Variants in NME8 observed in about 807,000 individuals in gnomAD.
NME8 encodes the protein protein NME8.
A neutral mutation model predicts 82.3 loss-of-function variants in NME8; 72 were observed. The ratio of observed to expected loss-of-function variants is 0.87; its 90% CI spans 0.72 to 1.06. The LOEUF (loss-of-function observed/expected upper bound fraction) is 1.06. Among genes scored for constraint, NME8 ranks in the 50% least tolerant of loss-of-function variants. NME8 has a pLI of 0.00. For missense variants in NME8, 712 were observed against 685.4 expected (o/e 1.04, Z -0.43); for synonymous variants, 267 against 228.5 (o/e 1.17, Z -1.52).
intron 15 of NME8, 74 bp downstream of exon 15, chr7:37,888,502 A>G: frequency 1.4e-6 from 2 of 1,432,066 alleles, no homozygotes; most frequent in Non-Finnish European, 1.9e-6. Context: ...ATTTACAATC[A>G]GAAAAGCAAA....
chr7:37,862,590 T>TA (rs1784613254), intron 7 of NME8, among the ~76,000 whole-genome samples: 2 of 152,066 alleles, frequency 1.3e-5, no homozygotes, highest in South Asian at 4.1e-4. Flanking sequence ...TTGGATGAAT[T>TA]AAAAAATCTG....
intron 10 of NME8, among the ~76,000 whole-genome samples, chr7:37,866,376 C>G (rs1025264385): frequency 3.3e-5 from 5 of 152,158 alleles, no homozygotes; most frequent in African/African-American, 1.2e-4. Flanking sequence ...GACTGCACCA[C>G]TCATGCCATC....
At chr7:37,891,718 C>T (rs1465453803) in intron 15 of NME8, among the ~76,000 whole-genome samples, 1 of 151,884 alleles carries the variant, frequency 6.6e-6, no homozygotes, top group African/African-American at 2.4e-5. Context: ...TCCTTCTTTT[C>T]TGCTTATCAC....
At chr7:37,894,821 T>G (rs2131975663) in intron 16 of NME8, among the ~76,000 whole-genome samples, 1 of 152,166 alleles carries the variant, frequency 6.6e-6, no homozygotes, top group Middle Eastern at 3.4e-3. Flanking sequence ...CCTCGCTCCC[T>G]TTCTTTCATT....
In NME8 at chr7:37,888,311, G is replaced by C. The variant is rs1562840973; in HGVS notation, c.1282G>C (p.Val428Leu). 4 of 1,613,554 alleles carry C rather than the reference G, an allele frequency of 2.5e-6. No individual in the cohort carries two copies. The highest frequency in any genetic ancestry group is 3.4e-6 in the Non-Finnish European group (4 of 1,179,672). Residue 428 changes from valine (V) to leucine (L), a missense_variant, in exon 15 of 18, where the codon GTC (valine) becomes CTC (leucine). Physicochemically the swap from Val to Leu is conservative, Grantham distance 32. Coordinates refer to ENST00000199447, the MANE Select transcript of NME8 (RefSeq NM_016616.5). ...ACAGTTTGCGATGGACAGTTTGCCG[G>C]TCAACCAGTTGTATGGCAGCGATTC... is the stretch of plus-strand genomic sequence containing the variant. Reference protein sequence around the residue: ...CAQFAMDSLPVNQLYGSDSLE... With the variant: ...CAQFAMDSLPLNQLYGSDSLE...
chr7:37,890,373 A>G (rs745614212), intron 15 of NME8, among the ~76,000 whole-genome samples: 20 of 152,014 alleles, frequency 1.3e-4, no homozygotes, highest in Non-Finnish European at 2.8e-4. Context: ...ATACATGTAC[A>G]CATTATGTAA....
chr7:37,864,442 A>G lies in NME8; in HGVS notation c.528+21A>G, dbSNP rs755028493. 7 of 1,539,096 alleles carry G rather than the reference A, an allele frequency of 4.5e-6. No individual in the cohort carries two copies. In the East Asian group the frequency reaches 1.2e-4, roughly 26 times the overall value. ...GAAAAGTAAGTAATATTTTCCAACTATGATTAAATTAATTGCAAAATAACA... is the reference window on the plus strand; with the variant it reads ...GAAAAGTAAGTAATATTTTCCAACTGTGATTAAATTAATTGCAAAATAACA... On this transcript the variant is annotated intron_variant, in intron 9 of 17. Coordinates refer to ENST00000199447, the MANE Select transcript of NME8 (RefSeq NM_016616.5).
chr7:37,870,617 A>G (rs944819627), intron 11 of NME8, among the ~76,000 whole-genome samples: 2 of 150,772 alleles, frequency 1.3e-5, no homozygotes, highest in African/African-American at 4.9e-5. Flanking sequence ...AAGTTTACCA[A>G]TTTGTGTTGG....
chr7:37,896,513 C>T (rs917197354), intron 16 of NME8, among the ~76,000 whole-genome samples: 2 of 152,156 alleles, frequency 1.3e-5, no homozygotes, highest in Non-Finnish European at 2.9e-5. Flanking sequence ...ATGAGGATGG[C>T]CTGAGCAAGG....
chr7:37,866,414 A>T (rs1203537103), intron 10 of NME8, among the ~76,000 whole-genome samples: 1 of 152,164 alleles, frequency 6.6e-6, no homozygotes, highest in South Asian at 2.1e-4. Flanking sequence ...CCATGTGTGT[A>T]GAAAGAAAGG....
chr7:37,884,413 G>T lies in NME8; in HGVS notation c.1105G>T (p.Asp369Tyr), dbSNP rs111988623. ...ACTGTGCAAGGAATATGAAAATGAA[G>T]ACTATTTTAATAAACTTATAGAAAA... ...QALCKEYENE[D>Y]YFNKLIENMT... is the part of the protein sequence containing the mutation. Residue 369 changes from aspartate to tyrosine, a missense_variant, in exon 13 of 18, where the codon GAC becomes TAC. Coordinates refer to ENST00000199447, the MANE Select transcript of NME8 (RefSeq NM_016616.5). The T allele has an allele frequency of 6.2e-7, 1 of 1,610,512 alleles. No individual in the cohort carries two copies. The highest frequency in any genetic ancestry group is 8.5e-7 in the Non-Finnish European group (1 of 1,176,888).
chr7:37,862,833 G>T (rs1270354243), intron 7 of NME8, among the ~76,000 whole-genome samples: 1 of 151,964 alleles, frequency 6.6e-6, no homozygotes, highest in African/African-American at 2.4e-5. Flanking sequence ...TAAATTTTAA[G>T]GTTTGGCTGG....
intron 11 of NME8, among the ~76,000 whole-genome samples, chr7:37,871,562 T>G (rs112927400): frequency 3.2e-4 from 49 of 152,302 alleles, no homozygotes; most frequent in African/African-American, 1.1e-3. Flanking sequence ...TGTTATGTGT[T>G]GATTCATTCA....
intron 6 of NME8, 61 bp from the exon 7 acceptor site, chr7:37,861,967 T>G: frequency 1.0e-6 from 1 of 993,650 alleles, no homozygotes; most frequent in South Asian, 1.3e-5. Flanking sequence ...CCAGTTTAAG[T>G]GTTAGTTCTT....
Position 37,888,309 on chromosome 7 carries a change from C to G in NME8, c.1280C>G (p.Pro427Arg). ...LCAQFAMDSLPVNQLYGSDSL... is the reference protein window; with the variant it reads ...LCAQFAMDSLRVNQLYGSDSL... ...GCACAGTTTGCGATGGACAGTTTGCCGGTCAACCAGTTGTATGGCAGCGAT... is the reference window on the plus strand; with the variant it reads ...GCACAGTTTGCGATGGACAGTTTGCGGGTCAACCAGTTGTATGGCAGCGAT... Residue 427 changes from proline (P) to arginine (R), a missense_variant, in exon 15 of 18, where the codon CCG becomes CGG. Transcript: ENST00000199447. 1 of 1,613,496 alleles carries G rather than the reference C, an allele frequency of 6.2e-7. No individual in the cohort carries two copies. The highest frequency in any genetic ancestry group is 8.5e-7 in the Non-Finnish European group (1 of 1,179,652).
chr7:37,888,864 T>G (rs938826125), intron 15 of NME8, among the ~76,000 whole-genome samples: 13 of 149,678 alleles, frequency 8.7e-5, no homozygotes, highest in Admixed American at 4.0e-4. Context: ...TTTTACTTGG[T>G]TTTTTTTTTC....
At chr7:37,875,320 T>A (rs947643267) in intron 11 of NME8, among the ~76,000 whole-genome samples, 2 of 152,156 alleles carry the variant, frequency 1.3e-5, no homozygotes, top group African/African-American at 2.4e-5. Context: ...GTAATAATTT[T>A]GTATTAATGT....
intron 11 of NME8, 56 bp downstream of exon 11, chr7:37,867,954 C>G: frequency 1.3e-6 from 2 of 1,481,842 alleles, no homozygotes; most frequent in Admixed American, 1.7e-5. Flanking sequence ...GGTAATGAAG[C>G]GTAGTGTAGG....
Position 37,862,585 on chromosome 7 carries a change from T to C in NME8, c.387+441T>C, listed in dbSNP as rs1562830844. On this transcript the variant is annotated intron_variant, in intron 7 of 17. Transcript: ENST00000199447. ...TGTAAGAACATAAAAGCTATTTGGATGAATTAAAAAATCTGGTACTTTGCT... is the reference window on the plus strand; with the variant it reads ...TGTAAGAACATAAAAGCTATTTGGACGAATTAAAAAATCTGGTACTTTGCT... Among the ~76,000 whole-genome samples, 5 of 152,220 alleles carry C rather than the reference T, an allele frequency of 3.3e-5. No individual in the cohort carries two copies. In the South Asian group the frequency reaches 1.0e-3, roughly 32 times the overall value.
Sources: gnomAD v4.1 joint callset for allele counts (sites outside exome capture counted in the v4.1 genomes callset) on GRCh38, gnomAD v4.1.1 for gene constraint, MANE v1.5 for transcripts, NCBI Gene and HGNC (gene_info 2026-07-23, HGNC 2026-07-21) for gene names.